The following FUT8 variants were observed in gnomAD, a reference collection of about 807,000 sequenced individuals.
FUT8 encodes the protein alpha-(1,6)-fucosyltransferase.
A neutral mutation model predicts 71.3 loss-of-function variants in FUT8; 29 were observed. That is an observed-to-expected ratio of 0.41 (90% CI 0.30 to 0.55). The LOEUF (loss-of-function observed/expected upper bound fraction) is 0.55. FUT8 is among the 20% of genes least tolerant of loss of function. The probability of loss-of-function intolerance (pLI) is 0.34; values close to 1 mark genes in which losing one functional copy is unlikely to be tolerated. For missense variants in FUT8, 544 were observed against 702.1 expected, an observed-to-expected ratio of 0.77 and a Z score of 2.55; for synonymous variants, 254 against 239.3, an observed-to-expected ratio of 1.06 and a Z score of -0.57.
intron 1 of FUT8, among the ~76,000 whole-genome samples, chr14:65,449,699 A>G (rs1331272705): frequency 2.0e-5 from 3 of 152,218 alleles, no homozygotes; most frequent in African/African-American, 7.2e-5. Context: ...AATTTTCAAT[A>G]GTAAAATTCT....
intron 5 of FUT8, among the ~76,000 whole-genome samples, chr14:65,621,375 G>A (rs917346344): frequency 2.6e-5 from 4 of 151,626 alleles, no homozygotes; most frequent in African/African-American, 9.7e-5. Context: ...TCAGCCTCCT[G>A]AGTATCTGGA....
In FUT8 at chr14:65,669,415, C is replaced by G; in HGVS notation, c.770C>G (p.Thr257Ser). The G allele has an allele frequency of 6.2e-7, 1 of 1,613,728 alleles. No individual in the cohort carries two copies. The highest frequency in any genetic ancestry group is 8.5e-7 in the Non-Finnish European group (1 of 1,179,810). ...CGCTATGCTACTGGTGGATGGGAGA[C>G]TGTATTTAGGCCTGTAAGTGAGACA... ...NWRYATGGWE[T>S]VFRPVSETCT... The change falls in exon 7 of 11, where the codon ACT becomes AGT. Residue 257 changes from threonine to serine, a missense_variant. By Grantham distance (58) the Thr-to-Ser change is moderately conservative. Coordinates refer to ENST00000673929, the MANE Select transcript of FUT8 (RefSeq NM_001371533.1). This position sits in a 1 kb window ranked among gnomAD's most constrained non-coding sequence, Gnocchi z 4.5.
At chr14:65,430,838 C>T (rs61989990) in intron 1 of FUT8, among the ~76,000 whole-genome samples, 2 of 152,042 alleles carry the variant, frequency 1.3e-5, no homozygotes, top group African/African-American at 4.8e-5. Context: ...AAAGGGATAT[C>T]AGATCAAATA....
At chr14:65,633,004 T>TCCCCCCCCCCCCCCCCCCCCCC (rs376298224) in intron 6 of FUT8, among the ~76,000 whole-genome samples, 1 of 78,022 alleles carries the variant, frequency 1.3e-5, no homozygotes, top group Non-Finnish European at 2.6e-5. Context: ...CCCTCTCCCC[T>TCCCCCCCCCCCCCCCCCCCCCC]CCCCCCCCCC....
intron 3 of FUT8, among the ~76,000 whole-genome samples, chr14:65,598,540 A>G (rs1398325546): frequency 6.6e-6 from 1 of 152,050 alleles, no homozygotes; most frequent in African/African-American, 2.4e-5. Flanking sequence ...TTATTCTGTT[A>G]AATAATAGTG....
chr14:65,568,109 C>T (rs141533313), intron 3 of FUT8, among the ~76,000 whole-genome samples: 3,840 of 151,710 alleles, frequency 0.025, 69 homozygotes, highest in Non-Finnish European at 0.041. Flanking sequence ...ATAAATTGGA[C>T]TGTTCAGCTC....
intron 3 of FUT8, among the ~76,000 whole-genome samples, chr14:65,585,653 C>T (rs1887342739): frequency 6.6e-6 from 1 of 151,988 alleles, no homozygotes; most frequent in African/African-American, 2.4e-5. Flanking sequence ...TACTTTTAGA[C>T]AAGGAATAAA....
chr14:65,510,125 T>C (rs1882237162), intron 2 of FUT8, among the ~76,000 whole-genome samples: 1 of 152,160 alleles, frequency 6.6e-6, no homozygotes, highest in South Asian at 2.1e-4. Context: ...CTCATGTTTT[T>C]GAGGGTTTTT....
chr14:65,410,794 T>G (rs2065114882), upstream of FUT8: 1 of 152,146 alleles, frequency 6.6e-6, no homozygotes, highest in Non-Finnish European at 1.5e-5. Flanking sequence ...TTTTTAATTT[T>G]AGACATGAGG....
chr14:65,590,151 T>C (rs566891269), intron 3 of FUT8, among the ~76,000 whole-genome samples: 9 of 152,230 alleles, frequency 5.9e-5, no homozygotes, highest in South Asian at 2.1e-4. Context: ...TTTGTCCTTA[T>C]AAGTTAACAT....
intron 2 of FUT8, among the ~76,000 whole-genome samples, chr14:65,538,860 G>A (rs1451619532): frequency 6.6e-6 from 1 of 152,016 alleles, no homozygotes; most frequent in African/African-American, 2.4e-5. Context: ...GTGGAGGTTG[G>A]CAGTGAGCCA....
rs560387147 is a variant in FUT8 at position 65,531,669 on chromosome 14, C to T, written c.-227-29668C>T. Among the ~76,000 whole-genome samples, 9 of 152,196 alleles carry T rather than the reference C, an allele frequency of 5.9e-5. 1 individual carries two copies. Among genetic ancestry groups the T allele is most frequent in the South Asian group, 4.2e-4 (2 of 4,808 alleles). On this transcript the variant is annotated intron_variant, in intron 2 of 10. Transcript: ENST00000673929. Reference sequence around the variant, plus strand: ...GGTATCTGTACAGGTTTGTTATATACGTAAACTTGTGTTATGGGGGGTTTG... The same window carrying T: ...GGTATCTGTACAGGTTTGTTATATATGTAAACTTGTGTTATGGGGGGTTTG...
chr14:65,520,445 T>C (rs188004573), intron 2 of FUT8, among the ~76,000 whole-genome samples: 1 of 152,276 alleles, frequency 6.6e-6, no homozygotes, highest in African/African-American at 2.4e-5. Flanking sequence ...TCAATAGTCT[T>C]AGTTTTCACA....
intron 1 of FUT8, among the ~76,000 whole-genome samples, chr14:65,445,188 A>C (rs1039520815): frequency 6.6e-6 from 1 of 152,198 alleles, no homozygotes; most frequent in African/African-American, 2.4e-5. Flanking sequence ...CCTGGGAGAC[A>C]GAGCGAAACT....
rs577983277 is a variant in FUT8 at position 65,538,794 on chromosome 14, C to A, written c.-227-22543C>A. On this transcript the variant is annotated intron_variant, in intron 2 of 10. Coordinates refer to ENST00000673929, the MANE Select transcript of FUT8 (RefSeq NM_001371533.1). ...AGTTAAGTGGGTGTGGTGGCATGCGCCTGTAATCCCAGCTACTCAGGAGGC... is the reference window on the plus strand; with the variant it reads ...AGTTAAGTGGGTGTGGTGGCATGCGACTGTAATCCCAGCTACTCAGGAGGC... 1.4e-4 allele frequency among the ~76,000 whole-genome samples: 21 copies of A among 152,094 alleles called. No individual in the cohort carries two copies. The East Asian group carries it at 2.1e-3, about 15-fold the overall frequency.
chr14:65,539,778 T>G (rs1384761643), intron 2 of FUT8, among the ~76,000 whole-genome samples: 1 of 152,148 alleles, frequency 6.6e-6, no homozygotes, highest in African/African-American at 2.4e-5. Flanking sequence ...ATGTATAAAA[T>G]GGGGTTGTGA....
In FUT8 at chr14:65,546,866, A is replaced by G. The variant is rs1438545223; in HGVS notation, c.-227-14471A>G. Among the ~76,000 whole-genome samples the G allele has an allele frequency of 4.6e-5, 7 of 151,898 alleles. No homozygotes were observed. In the South Asian group the frequency reaches 1.4e-3, roughly 31 times the overall value. On this transcript the variant is annotated intron_variant, in intron 2 of 10. Coordinates refer to ENST00000673929, the MANE Select transcript of FUT8 (RefSeq NM_001371533.1). ...TGGGCCTAGAGTTTTCTTCATGGGA[A>G]GATTTACAAATACGCATTCAACTTC... is the stretch of plus-strand genomic sequence containing the variant.
intron 7 of FUT8, among the ~76,000 whole-genome samples, chr14:65,714,027 A>G (rs1894933204): frequency 6.6e-6 from 1 of 152,178 alleles, no homozygotes; most frequent in South Asian, 2.1e-4. Context: ...TCTTTAATCC[A>G]TTTTGATTTG....
intron 7 of FUT8, among the ~76,000 whole-genome samples, chr14:65,699,681 T>C (rs1252098270): frequency 1.3e-5 from 2 of 152,238 alleles, no homozygotes; most frequent in Non-Finnish European, 2.9e-5. Context: ...AGTTATACTT[T>C]CTGCTCTTCA....
Sources: allele counts gnomAD v4.1 joint callset (sites outside exome capture counted in the v4.1 genomes callset), GRCh38; gene constraint gnomAD v4.1.1; non-coding constraint Gnocchi (gnomAD v3.1); transcripts MANE v1.5; gene names NCBI Gene and HGNC (gene_info 2026-07-23, HGNC 2026-07-21).